The following NDST4 variants were observed in gnomAD, a reference collection of about 807,000 sequenced individuals.
NDST4 encodes the protein N-deacetylase and N-sulfotransferase 4.
In NDST4, 63 loss-of-function variants were observed where a neutral mutation model predicts 100.8. That is an observed-to-expected ratio of 0.62 (90% CI 0.51 to 0.77). The LOEUF (loss-of-function observed/expected upper bound fraction) is 0.77, where lower values mean the gene tolerates loss of function less well. Ranked by LOEUF, NDST4 falls within the 30% of genes least tolerant of loss-of-function variation. The probability of loss-of-function intolerance (pLI) is 0.00; values close to 1 mark genes in which losing one functional copy is unlikely to be tolerated. For missense variants in NDST4, 943 were observed against 1,018.4 expected, an observed-to-expected ratio of 0.93 and a Z score of 1.01; for synonymous variants, 377 against 361.8, an observed-to-expected ratio of 1.04 and a Z score of -0.48.
chr4:114,953,510 T>C (rs1231686890), intron 4 of NDST4, among the ~76,000 whole-genome samples: 3 of 152,104 alleles, frequency 2.0e-5, no homozygotes, highest in Non-Finnish European at 4.4e-5. Flanking sequence ...ATAGTCCTTA[T>C]AATATCAGCA....
At chr4:115,039,979 G>A (rs892829449) in intron 2 of NDST4, among the ~76,000 whole-genome samples, 18 of 151,878 alleles carry the variant, frequency 1.2e-4, no homozygotes, top group African/African-American at 4.1e-4. Context: ...GAATATGTAT[G>A]TACATATGCA....
chr4:114,880,624 A>C (rs1184682039), intron 6 of NDST4, among the ~76,000 whole-genome samples: 1 of 152,174 alleles, frequency 6.6e-6, no homozygotes, highest in Non-Finnish European at 1.5e-5. Flanking sequence ...ACCAATTGAG[A>C]AACATTTATT....
At chr4:114,961,051 T>C in intron 4 of NDST4, among the ~76,000 whole-genome samples, 1 of 152,068 alleles carries the variant, frequency 6.6e-6, no homozygotes, top group East Asian at 1.9e-4. Flanking sequence ...GAAAAGCCAC[T>C]GTGAAATTGA....
chr4:114,992,155 T>G (rs1727054607), intron 2 of NDST4, among the ~76,000 whole-genome samples: 1 of 151,926 alleles, frequency 6.6e-6, no homozygotes, highest in Non-Finnish European at 1.5e-5. Context: ...ACTTTATTTT[T>G]TTTCAGTTTT....
At chr4:115,041,142 A>T (rs28719699) in intron 2 of NDST4, among the ~76,000 whole-genome samples, 14,310 of 152,086 alleles carry the variant, frequency 0.094, 2,072 homozygotes, top group African/African-American at 0.31. Flanking sequence ...GATCATTGAT[A>T]GCTGCTAAAA....
At chr4:114,945,129 A>G (rs946231714) in intron 4 of NDST4, among the ~76,000 whole-genome samples, 4 of 147,026 alleles carry the variant, frequency 2.7e-5, no homozygotes, top group Admixed American at 2.1e-4. Flanking sequence ...GAATCACTTG[A>G]ACCTGAGAGG....
intron 13 of NDST4, among the ~76,000 whole-genome samples, 191 bp from the exon 14 acceptor site, chr4:114,828,126 T>C (rs1445697995): frequency 1.3e-5 from 2 of 152,110 alleles, no homozygotes; most frequent in Non-Finnish European, 1.5e-5. Flanking sequence ...TAGCTAAAAA[T>C]AGAAATAGGA....
chr4:114,953,076 A>G, intron 4 of NDST4, among the ~76,000 whole-genome samples: 1 of 145,582 alleles, frequency 6.9e-6, no homozygotes, highest in Non-Finnish European at 1.5e-5. Context: ...TCTCCCAGAG[A>G]CCATCAGCTC....
Position 114,957,193 on chromosome 4 carries a change from T to G in NDST4, c.1221+13237A>C, listed in dbSNP as rs556982432. Among the ~76,000 whole-genome samples, 158 of 152,320 alleles carry G rather than the reference T, an allele frequency of 1.0e-3. 2 individuals carry two copies. Among genetic ancestry groups the G allele is most frequent in the Middle Eastern group, 6.8e-3 (2 of 294 alleles). ...GTCTTGTATTTGTCCATTTTTATAC[T>G]TCTATGAAGAAATACCCAAGACTGA... is the stretch of plus-strand genomic sequence containing the variant. On this transcript the variant is annotated intron_variant, in intron 4 of 13. Coordinates refer to ENST00000264363, the MANE Select transcript of NDST4 (RefSeq NM_022569.3).
At chr4:115,062,293 T>C (rs1037764946) in intron 2 of NDST4, among the ~76,000 whole-genome samples, 10 of 152,030 alleles carry the variant, frequency 6.6e-5, no homozygotes, top group Non-Finnish European at 1.5e-5. Flanking sequence ...AGAGAAAGAA[T>C]ATACCATAAG....
At chr4:114,920,138 T>A (rs1258201262) in intron 6 of NDST4, among the ~76,000 whole-genome samples, 1 of 152,174 alleles carries the variant, frequency 6.6e-6, no homozygotes, top group African/African-American at 2.4e-5. Flanking sequence ...TGTATAAATA[T>A]ATATTGACAT....
At position 115,059,606 on chromosome 4, in the gene NDST4, C is replaced by CT. The variant is rs149899285; in HGVS notation, c.978+16452dup. Among the ~76,000 whole-genome samples, 389 of 152,092 alleles carry CT rather than the reference C, an allele frequency of 2.6e-3. 4 individuals are homozygous for CT. Among genetic ancestry groups the CT allele is most frequent in the Admixed American group, 8.6e-3 (131 of 15,254 alleles). ...ATTATTTTTACTTTAAAAAATTCTT[C>CT]TAGAGACATTTTTTCATACAGACCA... is the stretch of plus-strand genomic sequence containing the variant. On this transcript the variant is annotated intron_variant, in intron 2 of 13. Coordinates refer to ENST00000264363, the MANE Select transcript of NDST4 (RefSeq NM_022569.3).
chr4:115,037,189 A>G (rs560933419), intron 2 of NDST4, among the ~76,000 whole-genome samples: 1 of 152,158 alleles, frequency 6.6e-6, no homozygotes, highest in South Asian at 2.1e-4. Context: ...AGAAAAAAAG[A>G]TGGAGAAGAG....
intron 2 of NDST4, among the ~76,000 whole-genome samples, chr4:115,049,758 G>C (rs1425304726): frequency 6.6e-6 from 1 of 152,246 alleles, no homozygotes; most frequent in Non-Finnish European, 1.5e-5. Context: ...GGTAAAAGTT[G>C]TTGGAGTTGG....
At chr4:115,059,922 T>G (rs1250212845) in intron 2 of NDST4, among the ~76,000 whole-genome samples, 1 of 152,022 alleles carries the variant, frequency 6.6e-6, no homozygotes, top group Admixed American at 6.6e-5. Context: ...TAGGAACTAA[T>G]TGGCATCTCC....
intron 6 of NDST4, among the ~76,000 whole-genome samples, chr4:114,877,129 A>G (rs1317710857): frequency 6.6e-6 from 1 of 152,128 alleles, no homozygotes; most frequent in East Asian, 1.9e-4. Context: ...TTCAGAATCA[A>G]TATTCTTTCT....
chr4:115,111,575 T>G (rs929082401), intron 1 of NDST4, among the ~76,000 whole-genome samples: 5 of 150,694 alleles, frequency 3.3e-5, no homozygotes, highest in African/African-American at 1.2e-4. Flanking sequence ...TGCATTTTTA[T>G]TTATTATTTA....
intron 6 of NDST4, among the ~76,000 whole-genome samples, chr4:114,923,358 G>GTAC (rs1725326139): frequency 6.6e-6 from 1 of 152,074 alleles, no homozygotes; most frequent in Middle Eastern, 3.2e-3. Flanking sequence ...TGATCCAAAA[G>GTAC]AGTCTTTGTC....
At chr4:114,856,213 C>A (rs1723790684) in intron 7 of NDST4, among the ~76,000 whole-genome samples, 1 of 152,082 alleles carries the variant, frequency 6.6e-6, no homozygotes, top group Admixed American at 6.6e-5. Flanking sequence ...CAGATGTGCA[C>A]AACCATGCCC....
Sources: gnomAD v4.1 joint callset for allele counts (sites outside exome capture counted in the v4.1 genomes callset) on GRCh38, gnomAD v4.1.1 for gene constraint, MANE v1.5 for transcripts, NCBI Gene and HGNC (gene_info 2026-07-23, HGNC 2026-07-21) for gene names.